CCN4: variants seen among roughly 807,000 people sequenced by gnomAD.
The protein encoded by CCN4 is cellular communication network factor 4, also known as CCN family member 4.
CCN4 carries 30 observed loss-of-function variants against 36.7 expected under a neutral mutation model. The observed-to-expected ratio is 0.82, with a 90% CI of 0.61 to 1.11. CCN4 has a LOEUF of 1.11. Among genes scored for constraint, CCN4 ranks in the 50% least tolerant of loss-of-function variants. The pLI is 0.00. For missense variants in CCN4, 505 were observed against 504.9 expected (o/e 1.00, Z 0.00); for synonymous variants, 191 against 195.4 (o/e 0.98, Z 0.19).
chr8:133,220,661 T>A lies in CCN4; in HGVS notation c.430T>A (p.Cys144Ser). Reference protein sequence around the residue: ...QSFQPNCKYNCTCIDGAVGCT... With the variant: ...QSFQPNCKYNSTCIDGAVGCT... The stretch of plus-strand genomic sequence containing the variant: ...CTTCCAGCCTAACTGCAAGTACAAC[T>A]GCACGTGCATCGACGGCGCGGTGGG... The change falls in exon 3 of 5, where the codon TGC (cysteine) becomes AGC (serine). Residue 144 changes from cysteine (C) to serine (S), a missense_variant. By Grantham distance (112) the Cys-to-Ser change is moderately radical. Coordinates refer to ENST00000250160, the MANE Select transcript of CCN4 (RefSeq NM_003882.4). 1.2e-6 allele frequency: 2 copies of A among 1,614,146 alleles called. No individual in the cohort carries two copies. The highest frequency in any genetic ancestry group is 1.1e-5 in the South Asian group (1 of 91,090).
chr8:133,225,632 A>G lies in CCN4; in HGVS notation c.804+49A>G, dbSNP rs750180702. The G allele has an allele frequency of 7.5e-6, 11 of 1,473,234 alleles. No individual in the cohort carries two copies. The African/African-American group carries it at 8.4e-5, about 11-fold the overall frequency. The allele number at this position is 1,473,234 out of a possible 1,614,324, so 91.3% of individuals were successfully genotyped here. On this transcript the variant is annotated intron_variant, in intron 4 of 4. Transcript: ENST00000250160. ...GTCTAGACTTCACAAGCAGACAAAT[A>G]TGGGTTTGAGCCTGGCTCCTGAACT...
At chr8:133,207,118 G>C (rs780303754) in intron 1 of CCN4, among the ~76,000 whole-genome samples, 2 of 152,226 alleles carry the variant, frequency 1.3e-5, no homozygotes, top group Admixed American at 6.5e-5. Flanking sequence ...TTGGGTAAAG[G>C]AGTTCTAAGA....
intron 2 of CCN4, among the ~76,000 whole-genome samples, chr8:133,216,878 C>T (rs967880170): frequency 2.0e-5 from 3 of 152,206 alleles, no homozygotes; most frequent in African/African-American, 7.2e-5. Context: ...TAATTGGCTG[C>T]TCTTGGCTTG....
intron 1 of CCN4, among the ~76,000 whole-genome samples, chr8:133,207,368 G>C (rs1172394503): frequency 2.0e-5 from 3 of 152,198 alleles, no homozygotes; most frequent in African/African-American, 7.2e-5. Context: ...CCCCCACATG[G>C]GGATCCAGCT....
intron 1 of CCN4, among the ~76,000 whole-genome samples, chr8:133,193,764 G>C (rs975453428): frequency 2.6e-5 from 4 of 152,172 alleles, no homozygotes; most frequent in Non-Finnish European, 5.9e-5. Flanking sequence ...TGGTAATCAG[G>C]GAAGCTGACA....
intron 1 of CCN4, among the ~76,000 whole-genome samples, chr8:133,207,465 C>T (rs1853821461): frequency 6.6e-6 from 1 of 152,224 alleles, no homozygotes; most frequent in Admixed American, 6.5e-5. Flanking sequence ...AGCATGTCCC[C>T]AAAATTCACA....
chr8:133,211,391 T>C (rs1854025001), intron 1 of CCN4, among the ~76,000 whole-genome samples: 1 of 152,218 alleles, frequency 6.6e-6, no homozygotes, highest in Non-Finnish European at 1.5e-5. Context: ...ACTCTGCAAA[T>C]GTCTGTTGAG....
chr8:133,200,980 G>T (rs181381886), intron 1 of CCN4, among the ~76,000 whole-genome samples: 1 of 152,142 alleles, frequency 6.6e-6, no homozygotes, highest in Non-Finnish European at 1.5e-5. Context: ...TTAGGATTCA[G>T]TGCAAATGTC....
intron 1 of CCN4, among the ~76,000 whole-genome samples, chr8:133,211,742 C>T (rs901412245): frequency 3.3e-5 from 5 of 152,304 alleles, no homozygotes; most frequent in Non-Finnish European, 5.9e-5. Context: ...CCGTCAAGGA[C>T]GAGAAGTGCT....
intron 1 of CCN4, among the ~76,000 whole-genome samples, chr8:133,195,488 C>A (rs1313883469): frequency 6.6e-6 from 1 of 152,050 alleles, no homozygotes; most frequent in Non-Finnish European, 1.5e-5. Context: ...GAGTTGGAAT[C>A]TGAGTGAAGA....
chr8:133,211,092 T>C (rs1042017614), intron 1 of CCN4, among the ~76,000 whole-genome samples: 1 of 152,218 alleles, frequency 6.6e-6, no homozygotes, highest in African/African-American at 2.4e-5. Context: ...GTCAGACTAA[T>C]TCAGAAATTC....
At chr8:133,221,826 T>C (rs569907754) in intron 3 of CCN4, among the ~76,000 whole-genome samples, 1 of 150,838 alleles carries the variant, frequency 6.6e-6, no homozygotes, top group East Asian at 2.0e-4. Context: ...GATGGATGAA[T>C]AGATAGATGG....
intron 1 of CCN4, among the ~76,000 whole-genome samples, chr8:133,209,355 C>A (rs1314011874): frequency 3.3e-5 from 5 of 152,202 alleles, no homozygotes; most frequent in African/African-American, 1.2e-4. Flanking sequence ...ACCCAGCAGT[C>A]CTCATGCCCT....
In CCN4 at chr8:133,220,982, CCT is replaced by C. The variant is rs914602283; in HGVS notation, c.610+142_610+143del. Reference sequence around the variant, plus strand: ...GTGACCTTGAGAAAGTCATACCTCCCCTGAGACCCTATTTCCCCATCTGTAAA... The same window carrying C: ...GTGACCTTGAGAAAGTCATACCTCCCGAGACCCTATTTCCCCATCTGTAAA... On this transcript the variant is annotated intron_variant, in intron 3 of 4. Coordinates refer to ENST00000250160, the MANE Select transcript of CCN4 (RefSeq NM_003882.4). 7 of 1,142,608 alleles carry C rather than the reference CCT, an allele frequency of 6.1e-6. No individual in the cohort carries two copies. In the African/African-American group the frequency reaches 7.8e-5, roughly 13 times the overall value. The allele number at this position is 1,142,608 out of a possible 1,614,324, so 70.8% of individuals were successfully genotyped here. A position where few individuals can be genotyped will look rare whatever the true frequency, so the allele number is the denominator to read the frequency against.
At chr8:133,212,097 G>C (rs1291677352) in intron 1 of CCN4, among the ~76,000 whole-genome samples, 1 of 152,150 alleles carries the variant, frequency 6.6e-6, no homozygotes, top group Non-Finnish European at 1.5e-5. Flanking sequence ...TGTTGACTGG[G>C]GGATGGGAAT....
At chr8:133,197,788 C>A (rs1291467948) in intron 1 of CCN4, among the ~76,000 whole-genome samples, 1 of 152,018 alleles carries the variant, frequency 6.6e-6, no homozygotes, top group Admixed American at 6.6e-5. Context: ...AAAGCCCAGG[C>A]CCAAAGGAAA....
intron 1 of CCN4, among the ~76,000 whole-genome samples, chr8:133,204,229 C>A (rs1853686318): frequency 1.3e-5 from 2 of 152,174 alleles, no homozygotes; most frequent in Admixed American, 1.3e-4. Context: ...GGATAAAATA[C>A]ATCATTTTCA....
rs773657064 is a variant in CCN4, at chr8:133,213,166, C to T, written c.349+23C>T. On this transcript the variant is annotated intron_variant, in intron 2 of 4. Coordinates refer to ENST00000250160, the MANE Select transcript of CCN4 (RefSeq NM_003882.4). ...CACGTAAGTGAGTCCTCCATACCTTCTGACCAGCCCCTGAGCACCCCCAGC... is the reference window on the plus strand; with the variant it reads ...CACGTAAGTGAGTCCTCCATACCTTTTGACCAGCCCCTGAGCACCCCCAGC... 3.8e-6 allele frequency: 6 copies of T among 1,579,854 alleles called. No homozygotes were observed. The African/African-American group carries it at 6.7e-5, about 18-fold the overall frequency.
At chr8:133,212,370 G>A (rs1854080406) in intron 1 of CCN4, among the ~76,000 whole-genome samples, 1 of 152,076 alleles carries the variant, frequency 6.6e-6, no homozygotes, top group African/African-American at 2.4e-5. Flanking sequence ...GGCCGAAACC[G>A]GTATTAAGTA....
Sources: allele counts gnomAD v4.1 joint callset (sites outside exome capture counted in the v4.1 genomes callset), GRCh38; gene constraint gnomAD v4.1.1; transcripts MANE v1.5; gene names NCBI Gene and HGNC (gene_info 2026-07-23, HGNC 2026-07-21).